The following RUFY4 variants were observed in gnomAD, a reference collection of about 807,000 sequenced individuals.
The protein encoded by RUFY4 is RUN and FYVE domain-containing protein 4.
In RUFY4, 73 loss-of-function variants were observed where a neutral mutation model predicts 69.0. The ratio of observed to expected loss-of-function variants is 1.06; its 90% CI spans 0.88 to 1.29. The LOEUF (loss-of-function observed/expected upper bound fraction) is 1.29, where lower values mean the gene tolerates loss of function less well. RUFY4 is among the 50% of genes most tolerant of loss of function. The pLI, the probability that RUFY4 is intolerant of heterozygous loss-of-function variation, is 0.00. For synonymous variants in RUFY4, 287 were observed against 271.8 expected, an observed-to-expected ratio of 1.06 and a Z score of -0.55; for missense variants, 770 against 705.6, an observed-to-expected ratio of 1.09 and a Z score of -1.03.
chr2:218,086,029 A>G (rs1429746073), intron 9 of RUFY4, among the ~76,000 whole-genome samples: 1 of 152,246 alleles, frequency 6.6e-6, no homozygotes, highest in African/African-American at 2.4e-5. Context: ...ATGAAACAGG[A>G]TGCTATAAAA....
At chr2:218,089,752 G>A (rs1689986820) in intron 10 of RUFY4, 200 bp from the exon 13 acceptor site, 2 of 705,086 alleles carry the variant, frequency 2.8e-6, no homozygotes, top group Non-Finnish European at 5.2e-6. Flanking sequence ...TGGAGGTGGA[G>A]GCTCTGGAGG....
chr2:218,044,006 C>A (rs989902166), intron 2 of RUFY4, among the ~76,000 whole-genome samples: 3 of 152,244 alleles, frequency 2.0e-5, no homozygotes, highest in Non-Finnish European at 2.9e-5. Flanking sequence ...TGACAGTGCC[C>A]AGGTTCACAT....
At chr2:218,035,034 A>G (rs576563239) in exon 1 of RUFY4, 1 of 152,326 alleles carries the variant, frequency 6.6e-6, no homozygotes, top group Non-Finnish European at 1.5e-5. Flanking sequence ...ACTCTACCCC[A>G]GGTGGGCCTG....
chr2:218,054,725 T>C (rs1689022802), intron 2 of RUFY4, among the ~76,000 whole-genome samples: 1 of 152,202 alleles, frequency 6.6e-6, no homozygotes, highest in African/African-American at 2.4e-5. Flanking sequence ...ATTTGAAATA[T>C]TGTTAGTTCT....
At chr2:218,040,616 C>T (rs112718749) in intron 2 of RUFY4, among the ~76,000 whole-genome samples, 320 of 152,260 alleles carry the variant, frequency 2.1e-3, no homozygotes, top group Non-Finnish European at 3.9e-3. Context: ...AAGAGGAGGC[C>T]ACAGCCTCTT....
rs1689774067 is a variant in RUFY4, at chr2:218,082,136, A to G, written c.1356-974A>G. Among the ~76,000 whole-genome samples, 4 of 152,232 alleles carry G rather than the reference A, an allele frequency of 2.6e-5. No individual in the cohort carries two copies. In the South Asian group the frequency reaches 8.3e-4, roughly 31 times the overall value. On this transcript the variant is annotated intron_variant, in intron 8 of 10. Coordinates refer to ENST00000344321, the Ensembl canonical transcript of RUFY4. ...TCCAGTGGTCTTCTTGGAACCTTTC[A>G]GAAAACCACTACACACAAAAAGAAA...
chr2:218,072,764 C>T lies in RUFY4; in HGVS notation c.280-15C>T, dbSNP rs1261833473. 3 of 1,506,870 alleles carry T rather than the reference C, an allele frequency of 2.0e-6. No homozygotes were observed. The highest frequency in any genetic ancestry group is 2.7e-6 in the Non-Finnish European group (3 of 1,130,912). The allele number at this position is 1,506,870 out of a possible 1,614,324, so 93.3% of individuals were successfully genotyped here. A position where few individuals can be genotyped will look rare whatever the true frequency, so the allele number is the denominator to read the frequency against. Reference sequence around the variant, plus strand: ...CCTAATACTGCTCCCCATTCTGCCCCTGTGCACTCTGCAGTTGAAGACCCC... The same window carrying T: ...CCTAATACTGCTCCCCATTCTGCCCTTGTGCACTCTGCAGTTGAAGACCCC... On this transcript the variant is annotated splice_polypyrimidine_tract_variant and intron_variant, in intron 3 of 10. Coordinates refer to ENST00000344321, the Ensembl canonical transcript of RUFY4.
chr2:218,075,960 C>T (rs1009566615), intron 7 of RUFY4, among the ~76,000 whole-genome samples: 3 of 152,142 alleles, frequency 2.0e-5, no homozygotes, highest in East Asian at 1.9e-4. Context: ...CCACTTTATT[C>T]GGCAATACTT....
chr2:218,088,592 T>C (rs1430656795), intron 9 of RUFY4, among the ~76,000 whole-genome samples: 1 of 152,212 alleles, frequency 6.6e-6, no homozygotes, highest in Non-Finnish European at 1.5e-5. Context: ...TGTAAGTGTC[T>C]GGAGCAAGAA....
At chr2:218,061,112 A>G (rs1446625200) in intron 3 of RUFY4, 3 of 529,418 alleles carry the variant, frequency 5.7e-6, no homozygotes, top group Non-Finnish European at 1.1e-5. Flanking sequence ...GGCAGCCAAG[A>G]TGGGCAATGT....
At chr2:218,073,170 G>T (rs1689535731) in intron 4 of RUFY4, 73 bp from the exon 7 acceptor site, 15 of 1,509,702 alleles carry the variant, frequency 9.9e-6, no homozygotes, top group Non-Finnish European at 1.2e-5. Context: ...GTTGAGCTGG[G>T]GTGGGGGTGG....
At chr2:218,079,614 A>G (rs1264236515) in intron 8 of RUFY4, among the ~76,000 whole-genome samples, 1 of 152,094 alleles carries the variant, frequency 6.6e-6, no homozygotes, top group Non-Finnish European at 1.5e-5. Flanking sequence ...GAGTCCTCAG[A>G]GTAAGGATGG....
upstream of RUFY4, among the ~76,000 whole-genome samples, chr2:218,069,844 G>A (rs1378304399): frequency 6.6e-6 from 1 of 152,074 alleles, no homozygotes; most frequent in Non-Finnish European, 1.5e-5. Context: ...CAGCTGTCAG[G>A]GCCACAGTGT....
intron 3 of RUFY4, among the ~76,000 whole-genome samples, chr2:218,063,557 A>T (rs1374319973): frequency 6.6e-6 from 1 of 152,234 alleles, no homozygotes. Context: ...AGCTATGCCC[A>T]CACAAAAACT....
chr2:218,051,564 A>AT (rs1182611700), intron 2 of RUFY4, among the ~76,000 whole-genome samples: 5 of 119,954 alleles, frequency 4.2e-5, no homozygotes, highest in South Asian at 7.1e-4. Flanking sequence ...CTGTTCCAAT[A>AT]TTTTAAAAAA....
chr2:218,056,906 T>G (rs558037334), intron 2 of RUFY4, among the ~76,000 whole-genome samples: 1 of 152,174 alleles, frequency 6.6e-6, no homozygotes, highest in African/African-American at 2.4e-5. Flanking sequence ...GTCAACATGG[T>G]GAAACCCCGT....
At chr2:218,075,836 C>T in intron 7 of RUFY4, 96 bp downstream of exon 9, 1 of 1,235,226 alleles carries the variant, frequency 8.1e-7, no homozygotes, top group South Asian at 3.0e-5. Context: ...CATTCCCTCC[C>T]ACGGGTCAAT....
chr2:218,057,137 C>T (rs1300592600), intron 2 of RUFY4, among the ~76,000 whole-genome samples: 1 of 151,598 alleles, frequency 6.6e-6, no homozygotes, highest in Non-Finnish European at 1.5e-5. Context: ...TCCTATCTAT[C>T]AGAGCTTGTC....
At chr2:218,059,439 C>A (rs892584045) in intron 3 of RUFY4, 5 of 166,700 alleles carry the variant, frequency 3.0e-5, no homozygotes, top group Non-Finnish European at 5.9e-5. Flanking sequence ...CCCCTCCCCT[C>A]AGTCCCTGGT....
Sources: allele counts gnomAD v4.1 joint callset (sites outside exome capture counted in the v4.1 genomes callset), GRCh38; gene constraint gnomAD v4.1.1; transcripts MANE v1.5; gene names NCBI Gene and HGNC (gene_info 2026-07-23, HGNC 2026-07-21).